RPS6KB1: variants seen among roughly 807,000 people sequenced by gnomAD.
RPS6KB1 encodes ribosomal protein S6 kinase B1, also known as ribosomal protein S6 kinase beta-1.
Under a neutral mutation model 70.2 loss-of-function variants are expected in RPS6KB1, and 12 were observed. That is an observed-to-expected ratio of 0.17 (90% CI 0.11 to 0.28). The LOEUF is 0.28. Ranked by LOEUF, RPS6KB1 falls within the 10% of genes least tolerant of loss-of-function variation. The pLI is 1.00. For synonymous variants in RPS6KB1, 175 were observed against 211.2 expected (o/e 0.83, Z 1.49); for missense variants, 270 against 646.6 (o/e 0.42, Z 6.32).
chr17:59,895,274 C>T lies in RPS6KB1; in HGVS notation c.141+1949C>T, dbSNP rs943952260. Among the ~76,000 whole-genome samples, 5 of 150,070 alleles carry T rather than the reference C, an allele frequency of 3.3e-5. No homozygotes were observed. In the South Asian group the frequency reaches 6.3e-4, roughly 19 times the overall value. On this transcript the variant is annotated intron_variant, in intron 1 of 14. Transcript: ENST00000225577. ...TGACCTCGTAATCTGCCCGCCTCGG[C>T]CTCCCAAAGTGCTAGGATTACAGGT...
chr17:59,930,252 A>AT, intron 6 of RPS6KB1, 78 bp downstream of exon 6: 1 of 848,546 alleles, frequency 1.2e-6, no homozygotes, highest in East Asian at 2.4e-5. Context: ...CAGCCACATG[A>AT]TTCAGTAAAT....
chr17:59,918,360 T>TA (rs59679307), intron 4 of RPS6KB1, among the ~76,000 whole-genome samples: 35 of 149,598 alleles, frequency 2.3e-4, no homozygotes, highest in African/African-American at 7.9e-4. Context: ...AGTTTTATTT[T>TA]TTTTTAATGT....
In RPS6KB1 at chr17:59,893,447, C is replaced by T. The variant is rs1449087651; in HGVS notation, c.141+122C>T. ...GGGGCTCCTGAGGAGCTGAGGGTCG[C>T]GCGGCCTGAGACAGGGGAGCGGGCG... is the stretch of plus-strand genomic sequence containing the variant. On this transcript the variant is annotated intron_variant, in intron 1 of 14. Transcript: ENST00000225577. This position sits in a 1 kb window ranked among gnomAD's most constrained non-coding sequence, Gnocchi z 4.1. 5.7e-6 allele frequency: 6 copies of T among 1,059,042 alleles called. No homozygotes were observed. Among genetic ancestry groups the T allele is most frequent in the South Asian group, 1.6e-5 (1 of 63,114 alleles). 65.6% of individuals were successfully genotyped at this position (1,059,042 alleles called of 1,614,324 possible).
intron 4 of RPS6KB1, among the ~76,000 whole-genome samples, chr17:59,923,793 C>A (rs1478774918): frequency 2.0e-5 from 3 of 152,054 alleles, no homozygotes; most frequent in Non-Finnish European, 4.4e-5. Flanking sequence ...CAGGTGTTAG[C>A]CACCGTGCCC....
At position 59,934,894 on chromosome 17, in the gene RPS6KB1, A is replaced by G. The variant is rs753319148; in HGVS notation, c.871-299A>G. The G allele has an allele frequency of 2.8e-6, 1 of 359,854 alleles. No homozygotes were observed. The highest frequency in any genetic ancestry group is 5.0e-6 in the Non-Finnish European group (1 of 198,032). The allele number at this position is 359,854 out of a possible 1,614,324, so 22.3% of individuals were successfully genotyped here. ...TACTTCCTCTGTCCTGTTGCTTAAA[A>G]ACTGCACGTCTGCCGGCCACAGTGG... On this transcript the variant is annotated intron_variant, in intron 9 of 14. Transcript: ENST00000225577. The surrounding 1 kb of genome is among the most constrained non-coding windows in gnomAD (Gnocchi z 4.8).
At position 59,947,544 on chromosome 17, in the gene RPS6KB1, T is replaced by C. The variant is rs2044996967; in HGVS notation, c.*756T>C. 2 of 1,536,058 alleles carry C rather than the reference T, an allele frequency of 1.3e-6. No individual in the cohort carries two copies. Among genetic ancestry groups the C allele is most frequent in the Non-Finnish European group, 1.8e-6 (2 of 1,137,112 alleles). On this transcript the variant is annotated 3_prime_UTR_variant, in exon 15 of 15. Transcript: ENST00000225577. ...CCAGCTGCAATACCTGTCTGTAATATGAGAAAAAAAAAATGAATCTATTTA... is the reference window on the plus strand; with the variant it reads ...CCAGCTGCAATACCTGTCTGTAATACGAGAAAAAAAAAATGAATCTATTTA...
In RPS6KB1 at chr17:59,934,621, A is replaced by C. The variant is rs2044130004; in HGVS notation, c.870+97A>C. ...TGCTTTCTGAACATGTTACCAGTGGAGTTTTCAAAGCCCAAAGATTTGTTA... is the reference window on the plus strand; with the variant it reads ...TGCTTTCTGAACATGTTACCAGTGGCGTTTTCAAAGCCCAAAGATTTGTTA... On this transcript the variant is annotated intron_variant, in intron 9 of 14. Transcript: ENST00000225577. The surrounding 1 kb of genome is among the most constrained non-coding windows in gnomAD (Gnocchi z 4.8). 2 of 847,210 alleles carry C rather than the reference A, an allele frequency of 2.4e-6. No homozygotes were observed. The highest frequency in any genetic ancestry group is 1.7e-5 in the African/African-American group (1 of 59,248). 52.5% of individuals were successfully genotyped at this position (847,210 alleles called of 1,614,324 possible).
chr17:59,917,050 A>C (rs1490857528), intron 4 of RPS6KB1, among the ~76,000 whole-genome samples: 3 of 152,124 alleles, frequency 2.0e-5, no homozygotes, highest in African/African-American at 4.8e-5. Context: ...GGAAATATTT[A>C]AGATTTTCTC....
chr17:59,926,942 G>C (rs1417524187), intron 5 of RPS6KB1, among the ~76,000 whole-genome samples: 1 of 152,052 alleles, frequency 6.6e-6, no homozygotes, highest in African/African-American at 2.4e-5. Context: ...TTTGGAATTG[G>C]GTCTTTAAAC....
chr17:59,907,321 T>C (rs930731524), intron 1 of RPS6KB1: 2 of 152,156 alleles, frequency 1.3e-5, no homozygotes, highest in African/African-American at 4.8e-5. Flanking sequence ...CATTTCTATA[T>C]GAAATTTAGG....
At position 59,946,838 on chromosome 17, in the gene RPS6KB1, T is replaced by C; in HGVS notation, c.*50T>C. The stretch of plus-strand genomic sequence containing the variant: ...AAGGCAAAAAAGGTGGAGAGGGAGA[T>C]GTGTGAGCATCCTGCAAGGTGAAAC... On this transcript the variant is annotated 3_prime_UTR_variant, in exon 15 of 15. Transcript: ENST00000225577. The surrounding 1 kb of genome is among the most constrained non-coding windows in gnomAD (Gnocchi z 4.2). The C allele has an allele frequency of 6.2e-7, 1 of 1,604,000 alleles. No homozygotes were observed.
intron 1 of RPS6KB1, among the ~76,000 whole-genome samples, chr17:59,904,614 G>A (rs185543989): frequency 5.3e-5 from 8 of 150,346 alleles, no homozygotes; most frequent in South Asian, 2.1e-4. Context: ...GGCTGGTGTC[G>A]AATTCCTGTC....
At chr17:59,901,934 G>A (rs546219724) in intron 1 of RPS6KB1, among the ~76,000 whole-genome samples, 1 of 148,322 alleles carries the variant, frequency 6.7e-6, no homozygotes, top group Non-Finnish European at 1.5e-5. Flanking sequence ...TTGGAGGATC[G>A]CTTGAGTCTC....
intron 1 of RPS6KB1, among the ~76,000 whole-genome samples, chr17:59,897,688 C>T (rs897507960): frequency 2.6e-5 from 4 of 152,206 alleles, no homozygotes; most frequent in South Asian, 2.1e-4. Context: ...TGTTTAAGGC[C>T]GGGCACAGTG....
intron 7 of RPS6KB1, among the ~76,000 whole-genome samples, chr17:59,932,578 GTCTCAC>G (rs2043988899): frequency 6.7e-6 from 1 of 149,452 alleles, no homozygotes; most frequent in African/African-American, 2.5e-5. Context: ...TGAGATGGGG[GTCTCAC>G]TCTGTCATCC....
rs1343998093 is a variant in RPS6KB1, at chr17:59,902,689, G to A, written c.142-7873G>A. Reference sequence around the variant, plus strand: ...CCTCCTGGGCTGAAGTAATTCTTCTGCCTCAGTCTCTCATGTAGCTGGGAC... The same window carrying A: ...CCTCCTGGGCTGAAGTAATTCTTCTACCTCAGTCTCTCATGTAGCTGGGAC... On this transcript the variant is annotated intron_variant, in intron 1 of 14. Transcript: ENST00000225577. Among the ~76,000 whole-genome samples, 4 of 150,592 alleles carry A rather than the reference G, an allele frequency of 2.7e-5. No individual in the cohort carries two copies. The East Asian group carries it at 7.9e-4, about 30-fold the overall frequency.
intron 12 of RPS6KB1, among the ~76,000 whole-genome samples, chr17:59,936,988 T>C (rs761058964): frequency 6.6e-6 from 1 of 152,092 alleles, no homozygotes; most frequent in Non-Finnish European, 1.5e-5. Context: ...GCTTCCCAAA[T>C]AGCTACGACT....
chr17:59,900,863 A>G (rs2041893568), intron 1 of RPS6KB1, among the ~76,000 whole-genome samples: 1 of 151,842 alleles, frequency 6.6e-6, no homozygotes, highest in Non-Finnish European at 1.5e-5. Context: ...ATTAGGTTTT[A>G]GAAATTTTTA....
At chr17:59,894,603 T>TA (rs1338231523) in intron 1 of RPS6KB1, among the ~76,000 whole-genome samples, 5 of 152,170 alleles carry the variant, frequency 3.3e-5, no homozygotes, top group Non-Finnish European at 5.9e-5. Flanking sequence ...TTCTTCTTGT[T>TA]TGTTTCTTTT....
Sources: gnomAD v4.1 joint callset for allele counts (sites outside exome capture counted in the v4.1 genomes callset) on GRCh38, gnomAD v4.1.1 for gene constraint, Gnocchi (gnomAD v3.1) non-coding constraint, MANE v1.5 for transcripts, NCBI Gene and HGNC (gene_info 2026-07-23, HGNC 2026-07-21) for gene names.